LPCAT2: variants seen among roughly 807,000 people sequenced by gnomAD.
LPCAT2 encodes lysophosphatidylcholine acyltransferase 2, also known as 1-AGP acyltransferase 11.
LPCAT2 carries 58 observed loss-of-function variants against 64.7 expected under a neutral mutation model. The ratio of observed to expected loss-of-function variants is 0.90; its 90% CI spans 0.73 to 1.12. The LOEUF (loss-of-function observed/expected upper bound fraction) is 1.12, where lower values mean the gene tolerates loss of function less well. Ranked by LOEUF, LPCAT2 falls within the 50% of genes most tolerant of loss-of-function variation. The pLI, the probability that LPCAT2 is intolerant of heterozygous loss-of-function variation, is 0.00. For missense variants in LPCAT2, 579 were observed against 669.8 expected (o/e 0.86, Z 1.50); for synonymous variants, 252 against 245.3 (o/e 1.03, Z -0.26).
intron 11 of LPCAT2, among the ~76,000 whole-genome samples, chr16:55,552,506 A>G (rs952668989): frequency 6.6e-6 from 1 of 152,172 alleles, no homozygotes; most frequent in African/African-American, 2.4e-5. Flanking sequence ...TTATTTGAGA[A>G]TTACCTTGTT....
chr16:55,511,282 A>C, intron 1 of LPCAT2, among the ~76,000 whole-genome samples: 1 of 152,336 alleles, frequency 6.6e-6, no homozygotes, highest in South Asian at 2.1e-4. Flanking sequence ...TCTGGATATT[A>C]AAAATACTTT....
intron 11 of LPCAT2, among the ~76,000 whole-genome samples, chr16:55,562,347 A>C (rs1179903352): frequency 1.3e-5 from 2 of 151,864 alleles, no homozygotes; most frequent in Admixed American, 1.3e-4. Context: ...TCTATAGGTA[A>C]ATGTTCTCCT....
chr16:55,541,002 G>A (rs1156377956), intron 8 of LPCAT2: 2 of 152,100 alleles, frequency 1.3e-5, no homozygotes, highest in Non-Finnish European at 2.9e-5. Context: ...TCCTTGTGAT[G>A]AAGAAAGAAT....
In LPCAT2 at chr16:55,550,993, C is replaced by G. The variant is rs1435890588; in HGVS notation, c.1106C>G (p.Ser369Cys). 1.1e-5 allele frequency: 18 copies of G among 1,609,344 alleles called. No individual in the cohort carries two copies. Among genetic ancestry groups the G allele is most frequent in the Non-Finnish European group, 1.5e-5 (18 of 1,176,880 alleles). ...GVRKHLDEYA[S>C]IASSSKGGRI... ...CGTAAGCATTTGGATGAATATGCAT[C>G]TATTGCGAGTTCCTCAAAAGGAGGA... The change falls in exon 11 of 14, where the codon TCT becomes TGT. Residue 369 changes from serine (S) to cysteine (C), a missense_variant. Physicochemically the swap from Ser to Cys is moderately radical, Grantham distance 112. Transcript: ENST00000262134.
At position 55,586,573 on chromosome 16, in the gene LPCAT2, T is replaced by C. The variant is rs1481460510; in HGVS notation, c.*3475T>C. ...CAATGTCATTAAAATTCTCTGTGAA[T>C]GTAAATTTTAAAAACTGTACCTACT... On this transcript the variant is annotated 3_prime_UTR_variant, in exon 14 of 14. Coordinates refer to ENST00000262134, the MANE Select transcript of LPCAT2 (RefSeq NM_017839.5). The C allele has an allele frequency of 6.6e-6, 1 of 152,118 alleles. No homozygotes were observed. The highest frequency in any genetic ancestry group is 2.4e-5 in the African/African-American group (1 of 41,356). 9.4% of individuals were successfully genotyped at this position (152,118 alleles called of 1,614,324 possible).
chr16:55,574,723 A>G lies in LPCAT2; in HGVS notation c.1308A>G (p.Ala436=). Reference sequence around the variant, plus strand: ...ACACAGAGGAGATCATCCAGGTGGCATTTAAGGTACTGTCAGCCCCATTGA... The same window carrying G: ...ACACAGAGGAGATCATCCAGGTGGCGTTTAAGGTACTGTCAGCCCCATTGA... ...PSNTEEIIQV[A]FKLFDVDEDG... is the part of the protein sequence containing the mutation. The change falls in exon 12 of 14, where the codon GCA becomes GCG. Residue 436 remains alanine (A), a synonymous_variant. Coordinates refer to ENST00000262134, the MANE Select transcript of LPCAT2 (RefSeq NM_017839.5). 1 of 1,613,040 alleles carries G rather than the reference A, an allele frequency of 6.2e-7. No homozygotes were observed. The highest frequency in any genetic ancestry group is 8.5e-7 in the Non-Finnish European group (1 of 1,179,156).
At chr16:55,524,080 G>T (rs191831727) in intron 1 of LPCAT2, among the ~76,000 whole-genome samples, 2 of 151,784 alleles carry the variant, frequency 1.3e-5, no homozygotes, top group Non-Finnish European at 1.5e-5. Context: ...CCACTGCTAG[G>T]TATTTACTTA....
intron 11 of LPCAT2, among the ~76,000 whole-genome samples, chr16:55,565,982 G>A (rs968060714): frequency 5.3e-5 from 8 of 152,122 alleles, no homozygotes; most frequent in African/African-American, 1.9e-4. Context: ...GGTGTTAGAT[G>A]TCAGGACAGT....
At chr16:55,526,323 G>C (rs2142398137) in intron 2 of LPCAT2, among the ~76,000 whole-genome samples, 1 of 152,244 alleles carries the variant, frequency 6.6e-6, no homozygotes, top group South Asian at 2.1e-4. Flanking sequence ...TGATCTGTAT[G>C]CCTTAAAAGT....
chr16:55,557,741 G>A (rs1963593542), intron 11 of LPCAT2, among the ~76,000 whole-genome samples: 1 of 152,042 alleles, frequency 6.6e-6, no homozygotes, highest in African/African-American at 2.4e-5. Context: ...TTTGGGGGAT[G>A]GAGGGAAAAC....
Position 55,579,093 on chromosome 16 carries a change from A to G in LPCAT2, c.1315-16A>G, listed in dbSNP as rs752051792. 6.8e-6 allele frequency: 11 copies of G among 1,611,336 alleles called. No individual in the cohort carries two copies. Among genetic ancestry groups the G allele is most frequent in the East Asian group, 2.2e-5 (1 of 44,834 alleles). ...TGATCCTGAGGGAGCTAATTCTTAC[A>G]TTTTATTTTCTTCAGCTGTTTGACG... is the stretch of plus-strand genomic sequence containing the variant. On this transcript the variant is annotated splice_polypyrimidine_tract_variant and intron_variant, in intron 12 of 13. Coordinates refer to ENST00000262134, the MANE Select transcript of LPCAT2 (RefSeq NM_017839.5).
At chr16:55,545,904 G>T (rs9932991) in intron 9 of LPCAT2, 87 bp downstream of exon 9, 1 of 941,284 alleles carries the variant, frequency 1.1e-6, no homozygotes, top group South Asian at 1.6e-5. Context: ...ATTTTTTTTT[G>T]ACCCCTGAAG....
chr16:55,532,645 T>TA (rs35836363), intron 5 of LPCAT2, 179 bp from the exon 6 acceptor site: 201,299 of 281,292 alleles, frequency 0.72, 64,872 homozygotes, highest in Admixed American at 0.81. Flanking sequence ...AGTTCTTAAT[T>TA]AAAAAAAAAA....
chr16:55,554,851 T>G (rs1567401776), intron 11 of LPCAT2, among the ~76,000 whole-genome samples: 1 of 152,136 alleles, frequency 6.6e-6, no homozygotes, highest in Non-Finnish European at 1.5e-5. Flanking sequence ...AATTTCAGTA[T>G]TGCTGTGTCC....
At chr16:55,547,572 G>A (rs185015422) in intron 9 of LPCAT2, among the ~76,000 whole-genome samples, 19 of 152,272 alleles carry the variant, frequency 1.2e-4, no homozygotes, top group Admixed American at 1.2e-3. Context: ...AGTCACACTA[G>A]GTAGTGACTG....
In LPCAT2 at chr16:55,509,180, C is replaced by T. The variant is rs1962883163; in HGVS notation, c.-2C>T. 2.2e-6 allele frequency: 3 copies of T among 1,386,732 alleles called. No individual in the cohort carries two copies. The South Asian group carries it at 4.9e-5, about 23-fold the overall frequency. The allele number at this position is 1,386,732 out of a possible 1,614,324, so 85.9% of individuals were successfully genotyped here. A position where few individuals can be genotyped will look rare whatever the true frequency, so the allele number is the denominator to read the frequency against. On this transcript the variant is annotated 5_prime_UTR_variant, in exon 1 of 14. Coordinates refer to ENST00000262134, the MANE Select transcript of LPCAT2 (RefSeq NM_017839.5). ...CGGCCGGGTTCTACGCCCGGCTCAA[C>T]TATGAGCCGGTGCGCCCAGGCGGCG...
At chr16:55,580,525 A>G (rs1431778235) in intron 13 of LPCAT2, among the ~76,000 whole-genome samples, 1 of 152,186 alleles carries the variant, frequency 6.6e-6, no homozygotes, top group African/African-American at 2.4e-5. Flanking sequence ...TTCTTTGCAG[A>G]ATACAGAATA....
intron 9 of LPCAT2, among the ~76,000 whole-genome samples, chr16:55,547,309 T>TGGACAC (rs1963465190): frequency 1.3e-5 from 2 of 152,310 alleles, no homozygotes; most frequent in African/African-American, 4.8e-5. Flanking sequence ...AAACCTTGAT[T>TGGACAC]AGCTGCACAA....
At chr16:55,510,381 T>C (rs111511750) in intron 1 of LPCAT2, among the ~76,000 whole-genome samples, 20 of 150,724 alleles carry the variant, frequency 1.3e-4, no homozygotes, top group African/African-American at 4.9e-4. Flanking sequence ...GACTTCCTCT[T>C]TGTTGAAGTT....
Sources: gnomAD v4.1 joint callset for allele counts (sites outside exome capture counted in the v4.1 genomes callset) on GRCh38, gnomAD v4.1.1 for gene constraint, MANE v1.5 for transcripts, NCBI Gene and HGNC (gene_info 2026-07-23, HGNC 2026-07-21) for gene names.